GALNT13: variants seen among roughly 807,000 people sequenced by gnomAD.
The protein encoded by GALNT13 is UDP-GalNAc:polypeptide N-acetylgalactosaminyltransferase 13.
A neutral mutation model predicts 64.2 loss-of-function variants in GALNT13; 28 were observed. That is an observed-to-expected ratio of 0.44 (90% CI 0.32 to 0.60). GALNT13 has a LOEUF of 0.60. Ranked by LOEUF, GALNT13 falls within the 20% of genes least tolerant of loss-of-function variation. The pLI is 0.05. For synonymous variants in GALNT13, 214 were observed against 224.6 expected (o/e 0.95, Z 0.42); for missense variants, 577 against 669.8 (o/e 0.86, Z 1.53).
At chr2:153,703,183 A>G in the GALNT13 span, among the ~76,000 whole-genome samples, 1 of 152,204 alleles carries the variant, frequency 6.6e-6, no homozygotes, top group African/African-American at 2.4e-5. Context: ...GGTCTGAGTT[A>G]AAATATCATA....
chr2:153,947,329 C>CTG lies in GALNT13; in HGVS notation c.142+2703_142+2704dup, dbSNP rs369975091. Among the ~76,000 whole-genome samples, 225 of 151,116 alleles carry CTG rather than the reference C, an allele frequency of 1.5e-3. 1 individual carries two copies. The highest frequency in any genetic ancestry group is 3.6e-3 in the African/African-American group (147 of 41,240). On this transcript the variant is annotated intron_variant, in intron 3 of 12. Coordinates refer to ENST00000392825, the MANE Select transcript of GALNT13 (RefSeq NM_052917.4). Reference sequence around the variant, plus strand: ...TGTCTTTCTGTATGTATTTATGTGACTGTGTGTGTGTGTGCGTGTAATCAT... The same window carrying CTG: ...TGTCTTTCTGTATGTATTTATGTGACTGTGTGTGTGTGTGTGCGTGTAATCAT...
At chr2:153,866,080 A>G in the GALNT13 span, among the ~76,000 whole-genome samples, 1 of 95,610 alleles carries the variant, frequency 1.0e-5, no homozygotes, top group African/African-American at 4.0e-5. Flanking sequence ...CAAACACCGC[A>G]TATTCTCACT....
intron 4 of GALNT13, among the ~76,000 whole-genome samples, chr2:154,217,425 G>C (rs77243394): frequency 1.3e-5 from 2 of 152,236 alleles, no homozygotes; most frequent in East Asian, 3.9e-4. Context: ...TTAGTGGAAA[G>C]AAAGGTTATC....
chr2:153,530,672 C>CAA, the GALNT13 span, among the ~76,000 whole-genome samples: 3 of 149,880 alleles, frequency 2.0e-5, no homozygotes, highest in African/African-American at 7.3e-5. Context: ...CAAAACAGAA[C>CAA]AAAAAAAAAT....
At chr2:153,577,889 A>C in the GALNT13 span, among the ~76,000 whole-genome samples, 1 of 150,886 alleles carries the variant, frequency 6.6e-6, no homozygotes, top group African/African-American at 2.4e-5. Context: ...TTAAACACTG[A>C]CAGTTTGTGT....
intron 8 of GALNT13, among the ~76,000 whole-genome samples, chr2:154,284,841 C>A (rs1265097906): frequency 6.6e-6 from 1 of 152,128 alleles, no homozygotes; most frequent in Admixed American, 6.6e-5. Flanking sequence ...TTCTCCACAT[C>A]CTCATGTGGA....
At chr2:153,460,461 A>T in the GALNT13 span, among the ~76,000 whole-genome samples, 1 of 152,122 alleles carries the variant, frequency 6.6e-6, no homozygotes, top group Admixed American at 6.6e-5. Context: ...GATAGTTTTC[A>T]GTTGTTTGTG....
chr2:153,658,393 T>C, the GALNT13 span, among the ~76,000 whole-genome samples: 4 of 152,142 alleles, frequency 2.6e-5, no homozygotes, highest in Admixed American at 1.3e-4. Context: ...TTAGTAAGTA[T>C]ATCTTTGACT....
chr2:153,427,452 G>A, the GALNT13 span, among the ~76,000 whole-genome samples: 4 of 151,986 alleles, frequency 2.6e-5, no homozygotes, highest in Non-Finnish European at 5.9e-5. Flanking sequence ...GGGAAACTGA[G>A]AATAGAAGGA....
chr2:153,906,852 A>G (rs997269724), intron 2 of GALNT13, among the ~76,000 whole-genome samples: 22 of 151,940 alleles, frequency 1.4e-4, no homozygotes, highest in African/African-American at 5.1e-4. Flanking sequence ...ACTAGTTTAC[A>G]GTCCCACCAA....
the GALNT13 span, among the ~76,000 whole-genome samples, chr2:153,340,075 T>TA: frequency 6.6e-6 from 1 of 152,192 alleles, no homozygotes; most frequent in Admixed American, 6.5e-5. Flanking sequence ...TTGCTTTAGC[T>TA]ATTTTGGGTC....
At chr2:154,381,786 T>A (rs1416253579) in intron 9 of GALNT13, among the ~76,000 whole-genome samples, 1 of 152,150 alleles carries the variant, frequency 6.6e-6, no homozygotes, top group Non-Finnish European at 1.5e-5. Flanking sequence ...AATTTTTTGA[T>A]TTTATACTGT....
the GALNT13 span, among the ~76,000 whole-genome samples, chr2:153,606,639 T>A: frequency 6.6e-6 from 1 of 152,062 alleles, no homozygotes; most frequent in East Asian, 1.9e-4. Flanking sequence ...CAAGAAGACA[T>A]AACCTTGAAC....
chr2:153,983,461 A>G (rs527245605), intron 3 of GALNT13, among the ~76,000 whole-genome samples: 2 of 152,016 alleles, frequency 1.3e-5, no homozygotes, highest in African/African-American at 4.8e-5. Context: ...ATTTAAAATA[A>G]TGTAATTTAA....
chr2:154,251,257 C>T (rs1283603989), intron 7 of GALNT13, among the ~76,000 whole-genome samples: 1 of 151,872 alleles, frequency 6.6e-6, no homozygotes, highest in East Asian at 1.9e-4. Context: ...ATTTTGATCC[C>T]TCGTAAGCAT....
chr2:154,328,178 C>T (rs1430425768), intron 9 of GALNT13, among the ~76,000 whole-genome samples: 1 of 152,044 alleles, frequency 6.6e-6, no homozygotes, highest in Non-Finnish European at 1.5e-5. Context: ...TTAATTGTAT[C>T]ATGTTGATCA....
intron 3 of GALNT13, among the ~76,000 whole-genome samples, chr2:154,022,400 A>G (rs1697577681): frequency 6.6e-6 from 1 of 152,112 alleles, no homozygotes; most frequent in Non-Finnish European, 1.5e-5. Context: ...TGGTCTATTC[A>G]GAGATTCACT....
the GALNT13 span, among the ~76,000 whole-genome samples, chr2:153,333,444 T>C: frequency 3.3e-5 from 5 of 152,318 alleles, no homozygotes; most frequent in East Asian, 7.7e-4. Flanking sequence ...GGATCAATGG[T>C]GTCCTTCACA....
chr2:153,342,402 T>C, the GALNT13 span, among the ~76,000 whole-genome samples: 4 of 152,230 alleles, frequency 2.6e-5, no homozygotes, highest in Non-Finnish European at 5.9e-5. Flanking sequence ...CAGAAGACAC[T>C]GTCTGCACTA....
Sources: allele counts gnomAD v4.1 joint callset (sites outside exome capture counted in the v4.1 genomes callset), GRCh38; gene constraint gnomAD v4.1.1; transcripts MANE v1.5; gene names NCBI Gene and HGNC (gene_info 2026-07-23, HGNC 2026-07-21).